The following CDH8 variants were observed in gnomAD, a reference collection of about 807,000 sequenced individuals.
The protein encoded by CDH8 is cadherin 8, also known as cadherin-8.
In CDH8, 17 loss-of-function variants were observed where a neutral mutation model predicts 68.1. The observed-to-expected ratio is 0.25, with a 90% CI of 0.17 to 0.37. The LOEUF (loss-of-function observed/expected upper bound fraction) is 0.37, where lower values mean the gene tolerates loss of function less well. Ranked by LOEUF, CDH8 falls within the 10% of genes least tolerant of loss-of-function variation. The probability of loss-of-function intolerance (pLI) is 1.00; values close to 1 mark genes in which losing one functional copy is unlikely to be tolerated. For synonymous variants in CDH8, 372 were observed against 365.1 expected (o/e 1.02, Z -0.21); for missense variants, 763 against 999.3 (o/e 0.76, Z 3.19).
intron 9 of CDH8, among the ~76,000 whole-genome samples, chr16:61,720,243 A>T (rs1959207232): frequency 6.6e-6 from 1 of 150,778 alleles, no homozygotes; most frequent in Non-Finnish European, 1.5e-5. Flanking sequence ...CCAGTACCAG[A>T]TTGTATCCAA....
intron 7 of CDH8, among the ~76,000 whole-genome samples, chr16:61,791,509 G>A (rs1668540921): frequency 6.6e-6 from 1 of 151,984 alleles, no homozygotes; most frequent in African/African-American, 2.4e-5. Context: ...ATCACTTTCT[G>A]CATTATATTC....
At chr16:61,787,327 A>C (rs969208682) in intron 8 of CDH8, among the ~76,000 whole-genome samples, 6 of 147,310 alleles carry the variant, frequency 4.1e-5, no homozygotes, top group African/African-American at 1.5e-4. Flanking sequence ...GCAGCCAAAA[A>C]ACACATGAAA....
intron 2 of CDH8, among the ~76,000 whole-genome samples, chr16:61,905,057 C>T (rs1021394451): frequency 2.0e-5 from 3 of 152,230 alleles, no homozygotes; most frequent in Non-Finnish European, 2.9e-5. Context: ...AAATTCCCAC[C>T]TTTTCCAGTC....
At chr16:62,030,833 T>C (rs1480867623) in intron 1 of CDH8, among the ~76,000 whole-genome samples, 2 of 152,132 alleles carry the variant, frequency 1.3e-5, no homozygotes, top group African/African-American at 4.8e-5. Context: ...TGGCACACTA[T>C]TTTTCCCTGT....
At chr16:61,784,412 T>C (rs567008284) in intron 8 of CDH8, among the ~76,000 whole-genome samples, 2,788 of 150,116 alleles carry the variant, frequency 0.019, 35 homozygotes, top group Non-Finnish European at 0.026. Context: ...ATGCACCCAA[T>C]ACAGGAGCAC....
chr16:61,739,380 T>C (rs1182294914), intron 8 of CDH8, among the ~76,000 whole-genome samples: 1 of 152,118 alleles, frequency 6.6e-6, no homozygotes, highest in Non-Finnish European at 1.5e-5. Context: ...CACAATTTAC[T>C]AGATACGAAA....
At chr16:61,772,900 C>T (rs1960813525) in intron 8 of CDH8, among the ~76,000 whole-genome samples, 1 of 152,034 alleles carries the variant, frequency 6.6e-6, no homozygotes, top group African/African-American at 2.4e-5. Context: ...ATGTCATAGA[C>T]TCACTACTCC....
At position 61,655,638 on chromosome 16, in the gene CDH8, C is replaced by G; in HGVS notation, c.1738G>C (p.Asp580His). The G allele has an allele frequency of 6.2e-7, 1 of 1,613,950 alleles. No individual in the cohort carries two copies. The highest frequency in any genetic ancestry group is 8.5e-7 in the Non-Finnish European group (1 of 1,179,826). ...CTGCTCAGTGGAGGATTTCCACTAT[C>G]ACTGATTATGATTGGTAAAAGATAG... ...EVYLLPIIISDSGNPPLSSTS... is the reference protein window; with the variant it reads ...EVYLLPIIISHSGNPPLSSTS... Residue 580 changes from aspartate (D) to histidine (H), a missense_variant, in exon 11 of 12, where the codon GAT (aspartate) becomes CAT (histidine). Physicochemically the swap from Asp to His is moderately conservative, Grantham distance 81. Coordinates refer to ENST00000577390, the MANE Select transcript of CDH8 (RefSeq NM_001796.5).
chr16:61,956,037 A>G (rs576375793), intron 2 of CDH8, among the ~76,000 whole-genome samples: 2 of 152,354 alleles, frequency 1.3e-5, no homozygotes, highest in African/African-American at 4.8e-5. Context: ...AAATAATTGT[A>G]TCCAATCACT....
At chr16:61,769,727 G>A (rs550228227) in intron 8 of CDH8, among the ~76,000 whole-genome samples, 1 of 151,868 alleles carries the variant, frequency 6.6e-6, no homozygotes, top group East Asian at 1.9e-4. Flanking sequence ...ATTATAGTAC[G>A]TGAACATTAA....
chr16:61,831,756 A>G (rs1962459133), intron 4 of CDH8, among the ~76,000 whole-genome samples: 3 of 151,798 alleles, frequency 2.0e-5, no homozygotes, highest in Admixed American at 1.3e-4. Context: ...TTGAAGGCTG[A>G]TTACTGTAAT....
chr16:61,850,358 C>T lies in CDH8; in HGVS notation c.667+6761G>A, dbSNP rs1032563286. Among the ~76,000 whole-genome samples, 11 of 151,900 alleles carry T rather than the reference C, an allele frequency of 7.2e-5. 1 individual carries two copies. The highest frequency in any genetic ancestry group is 3.9e-4 in the East Asian group (2 of 5,146). ...ACCAAATCATTCATAAGGGATCTGC[C>T]GCCATGACCCAAACACCTCTCACTA... On this transcript the variant is annotated intron_variant, in intron 4 of 11. Coordinates refer to ENST00000577390, the MANE Select transcript of CDH8 (RefSeq NM_001796.5).
At chr16:61,698,373 TGC>T (rs1258938741) in intron 10 of CDH8, among the ~76,000 whole-genome samples, 5 of 152,226 alleles carry the variant, frequency 3.3e-5, no homozygotes, top group Admixed American at 3.3e-4. Context: ...TCGTCTTGTA[TGC>T]TTGTCTCTGT....
chr16:61,818,625 C>T (rs970567165), intron 6 of CDH8, among the ~76,000 whole-genome samples: 1 of 152,238 alleles, frequency 6.6e-6, no homozygotes, highest in Middle Eastern at 3.4e-3. Flanking sequence ...AAAAAGAATT[C>T]GCCTTCAATA....
intron 9 of CDH8, chr16:61,726,574 T>TAATA (rs1315508911): frequency 6.5e-6 from 1 of 152,800 alleles, no homozygotes; most frequent in Non-Finnish European, 1.5e-5. Flanking sequence ...AATGTTCTAC[T>TAATA]AATACACACA....
intron 2 of CDH8, among the ~76,000 whole-genome samples, chr16:61,907,274 G>C (rs1964077280): frequency 6.6e-6 from 1 of 152,152 alleles, no homozygotes; most frequent in South Asian, 2.1e-4. Context: ...GATTGGGATT[G>C]AGTAAATTAC....
At chr16:61,754,063 T>C (rs948376280) in intron 8 of CDH8, among the ~76,000 whole-genome samples, 5 of 152,148 alleles carry the variant, frequency 3.3e-5, no homozygotes, top group African/African-American at 1.2e-4. Context: ...TCAAACTTAA[T>C]ACTGTCTGAA....
intron 7 of CDH8, among the ~76,000 whole-genome samples, chr16:61,809,618 A>G (rs1222789257): frequency 6.6e-6 from 1 of 152,354 alleles, no homozygotes; most frequent in Non-Finnish European, 1.5e-5. Flanking sequence ...AAAAGAAAAA[A>G]GGTGAAATTT....
intron 8 of CDH8, among the ~76,000 whole-genome samples, chr16:61,783,725 T>C (rs1157283783): frequency 6.6e-6 from 1 of 151,514 alleles, no homozygotes; most frequent in East Asian, 2.0e-4. Flanking sequence ...CCCATCAGAC[T>C]AACAGCGGAT....
Sources: allele counts gnomAD v4.1 joint callset (sites outside exome capture counted in the v4.1 genomes callset), GRCh38; gene constraint gnomAD v4.1.1; transcripts MANE v1.5; gene names NCBI Gene and HGNC (gene_info 2026-07-23, HGNC 2026-07-21).